The following POLR2F variants were observed in gnomAD, a reference collection of about 807,000 sequenced individuals.
POLR2F encodes the protein DNA-directed RNA polymerases I, II, and III subunit RPABC2.
In POLR2F, 12 loss-of-function variants were observed where a neutral mutation model predicts 22.7. The ratio of observed to expected loss-of-function variants is 0.53; its 90% confidence interval spans 0.34 to 0.86. The LOEUF is 0.86. POLR2F is among the 40% of genes least tolerant of loss of function. POLR2F has a pLI of 0.02. For synonymous variants in POLR2F, 57 were observed against 66.0 expected (o/e 0.86, Z 0.66); for missense variants, 126 against 171.5 (o/e 0.73, Z 1.48).
At chr22:38,010,843 C>A (rs2084865979) in intron 1 of POLR2F, among the ~76,000 whole-genome samples, 1 of 152,102 alleles carries the variant, frequency 6.6e-6, no homozygotes, top group African/African-American at 2.4e-5. Context: ...TCTCGAACTC[C>A]TGACTTCAGG....
chr22:38,008,000 G>T (rs146812239), intron 1 of POLR2F, among the ~76,000 whole-genome samples: 1 of 152,180 alleles, frequency 6.6e-6, no homozygotes, highest in East Asian at 1.9e-4. Context: ...AGCACTTTGG[G>T]AGGCTGAGGC....
chr22:37,965,027 G>C (rs1295573249), intron 3 of POLR2F, among the ~76,000 whole-genome samples: 2 of 152,162 alleles, frequency 1.3e-5, no homozygotes, highest in Admixed American at 6.5e-5. Flanking sequence ...GGTAGGTGCA[G>C]GTGGAGTCTC....
At chr22:38,033,934 C>A (rs1287560980) in intron 5 of POLR2F, among the ~76,000 whole-genome samples, 2 of 152,146 alleles carry the variant, frequency 1.3e-5, no homozygotes, top group African/African-American at 4.8e-5. Flanking sequence ...TCACTTGGGG[C>A]CCCAACCCCT....
chr22:37,955,326 G>A (rs1335483563), intron 1 of POLR2F, among the ~76,000 whole-genome samples: 3 of 151,622 alleles, frequency 2.0e-5, no homozygotes, highest in Non-Finnish European at 2.9e-5. Context: ...ATCACCTGAG[G>A]CCAGGAGTTC....
chr22:37,986,906 G>A lies in POLR2F; in HGVS notation c.120+594G>A, dbSNP rs768210681. 2.9e-5 allele frequency: 13 copies of A among 451,474 alleles called. No homozygotes were observed. The highest frequency in any genetic ancestry group is 1.2e-4 in the African/African-American group (6 of 50,008). The allele number at this position is 451,474 out of a possible 1,614,324, so 28.0% of individuals were successfully genotyped here. A position where few individuals can be genotyped will look rare whatever the true frequency, so the allele number is the denominator to read the frequency against. ...AGAGCAGGGAGCTTGGAGAGGGGAG[G>A]GATCCTGGCTGAAGACACCTGGGCC... is the stretch of plus-strand genomic sequence containing the variant. On this transcript the variant is annotated intron_variant, in intron 1 of 2. Transcript: ENST00000333418. The surrounding 1 kb of genome is among the most constrained non-coding windows in gnomAD (Gnocchi z 4.7).
intron 1 of POLR2F, among the ~76,000 whole-genome samples, chr22:38,025,241 T>A (rs2084996011): frequency 1.3e-5 from 2 of 151,548 alleles, no homozygotes; most frequent in Admixed American, 1.3e-4. Context: ...ACTCACTTGC[T>A]CACACACACA....
At chr22:37,985,998 C>T (rs1932561793), upstream of POLR2F, 1 of 1,261,480 alleles carries the variant, frequency 7.9e-7, no homozygotes, top group Non-Finnish European at 1.0e-6. Flanking sequence ...CGACGCCACC[C>T]CCGGCGCTGC....
chr22:38,004,133 A>G (rs2084799456), intron 1 of POLR2F, among the ~76,000 whole-genome samples: 2 of 151,812 alleles, frequency 1.3e-5, no homozygotes, highest in Admixed American at 1.3e-4. Context: ...GGACTACAGG[A>G]ATGCACCTCT....
intron 4 of POLR2F, among the ~76,000 whole-genome samples, chr22:37,981,008 C>T (rs1008236956): frequency 5.3e-5 from 8 of 152,318 alleles, no homozygotes; most frequent in South Asian, 2.1e-4. Context: ...ACAGGCACCA[C>T]CCTGTGATCA....
At chr22:37,979,174 T>A (rs1486668684) in intron 4 of POLR2F, among the ~76,000 whole-genome samples, 1 of 152,148 alleles carries the variant, frequency 6.6e-6, no homozygotes, top group Non-Finnish European at 1.5e-5. Flanking sequence ...CTCAGCTCAC[T>A]GCAATCTCGG....
Position 38,016,926 on chromosome 22 carries a change from G to A in POLR2F, c.121-8943G>A, listed in dbSNP as rs73417859. 0.021 allele frequency among the ~76,000 whole-genome samples: 3,221 copies of A among 152,182 alleles called. 121 individuals carry two copies. Among genetic ancestry groups the A allele is most frequent in the African/African-American group, 0.074 (3,085 of 41,502 alleles). On this transcript the variant is annotated intron_variant, in intron 1 of 2. Transcript: ENST00000333418. The surrounding 1 kb of genome is among the most constrained non-coding windows in gnomAD (Gnocchi z 4.4). ...GGTGTGGATTGATGTCTGGGCCTGG[G>A]CGGATGTGCCGGCAGCTGGGCGGCC...
chr22:37,983,431 C>G, upstream of POLR2F: 1 of 1,611,730 alleles, frequency 6.2e-7, no homozygotes, highest in Non-Finnish European at 8.5e-7. This position sits in a 1 kb window ranked among gnomAD's most constrained non-coding sequence, Gnocchi z 9.5. Flanking sequence ...GCTTCCTGCG[C>G]GCTGCCTGAG....
At chr22:38,028,172 T>C (rs1189702625), downstream of POLR2F, among the ~76,000 whole-genome samples, 1 of 152,038 alleles carries the variant, frequency 6.6e-6, no homozygotes, top group Non-Finnish European at 1.5e-5. Flanking sequence ...CTTGTGTGCA[T>C]GAGAGAGAGA....
downstream of POLR2F, among the ~76,000 whole-genome samples, chr22:37,970,111 G>A (rs181283139): frequency 1.1e-4 from 17 of 152,094 alleles, no homozygotes; most frequent in East Asian, 3.3e-3. Flanking sequence ...GGCTAACACA[G>A]TGAAACCCCG....
intron 1 of POLR2F, among the ~76,000 whole-genome samples, chr22:37,990,090 C>T (rs1456583767): frequency 6.6e-6 from 1 of 152,238 alleles, no homozygotes. Flanking sequence ...AGGCCATGCT[C>T]AGCCTCGGCT....
At chr22:37,987,233 A>T in intron 1 of POLR2F, 1 of 456,686 alleles carries the variant, frequency 2.2e-6, no homozygotes, top group South Asian at 1.5e-5. Context: ...TGGCCCAAGG[A>T]GGCCTTTCCG....
chr22:37,964,572 CTTTT>C (rs11428366), intron 3 of POLR2F, among the ~76,000 whole-genome samples: 1 of 131,300 alleles, frequency 7.6e-6, no homozygotes, highest in Non-Finnish European at 1.6e-5. Context: ...TTCTTTCTTT[CTTTT>C]TTTTTTTTTT....
intron 1 of POLR2F, among the ~76,000 whole-genome samples, chr22:38,022,713 T>C (rs1362066602): frequency 6.6e-6 from 1 of 151,686 alleles, no homozygotes; most frequent in East Asian, 1.9e-4. Flanking sequence ...AGAGTAAAAA[T>C]AAAAAAAGAA....
rs1206579135 is a variant in POLR2F, at chr22:37,997,726, C to T, written c.120+11414C>T. On this transcript the variant is annotated intron_variant, in intron 1 of 2. Coordinates refer to the POLR2F transcript ENST00000333418. This position sits in a 1 kb window ranked among gnomAD's most constrained non-coding sequence, Gnocchi z 4.4. ...CCTCCCTCGTGCCTGTGCCCAGCTC[C>T]GCATCTCCCTCTTCCCATTTCCAGC... Among the ~76,000 whole-genome samples, 2 of 152,140 alleles carry T rather than the reference C, an allele frequency of 1.3e-5. No homozygotes were observed. The highest frequency in any genetic ancestry group is 2.4e-5 in the African/African-American group (1 of 41,404).
Sources: gnomAD v4.1 joint callset for allele counts (sites outside exome capture counted in the v4.1 genomes callset) on GRCh38, gnomAD v4.1.1 for gene constraint, Gnocchi (gnomAD v3.1) non-coding constraint, MANE v1.5 for transcripts, NCBI Gene and HGNC (gene_info 2026-07-23, HGNC 2026-07-21) for gene names.